The following UGT1A8 variants were observed in gnomAD, a reference collection of about 807,000 sequenced individuals.
UGT1A8 encodes the protein UDP glucuronosyltransferase family 1 member A8.
Under a neutral mutation model 45.3 loss-of-function variants are expected in UGT1A8, and 39 were observed. The observed-to-expected ratio is 0.86, with a 90% CI of 0.67 to 1.12. UGT1A8 has a LOEUF of 1.12. UGT1A8 is among the 50% of genes most tolerant of loss of function. The pLI is 0.00. For synonymous variants in UGT1A8, 275 were observed against 249.2 expected (o/e 1.10, Z -0.97); for missense variants, 719 against 664.9 (o/e 1.08, Z -0.90).
chr2:233,651,068 G>A (rs2073727923), intron 1 of UGT1A8, among the ~76,000 whole-genome samples: 1 of 152,208 alleles, frequency 6.6e-6, no homozygotes, highest in Non-Finnish European at 1.5e-5. Context: ...GAAGACTACA[G>A]TTTTAGACCT....
intron 1 of UGT1A8, among the ~76,000 whole-genome samples, chr2:233,665,986 G>T (rs182102297): frequency 4.7e-4 from 72 of 152,270 alleles, no homozygotes; most frequent in African/African-American, 1.7e-3. Flanking sequence ...AATACCTGAG[G>T]TTGGTTAATT....
intron 1 of UGT1A8, chr2:233,747,346 G>C (rs1006096980): frequency 6.2e-7 from 1 of 1,603,162 alleles, no homozygotes; most frequent in East Asian, 2.2e-5. Context: ...GCTCGCATGC[G>C]GGAGGCCGTG....
chr2:233,657,772 T>G (rs7571337), intron 1 of UGT1A8, among the ~76,000 whole-genome samples: 1 of 151,992 alleles, frequency 6.6e-6, no homozygotes, highest in African/African-American at 2.4e-5. Flanking sequence ...AGCATCTTTA[T>G]GTGTGACTGT....
intron 1 of UGT1A8, among the ~76,000 whole-genome samples, chr2:233,710,168 A>G (rs2076115699): frequency 6.6e-6 from 1 of 152,116 alleles, no homozygotes; most frequent in South Asian, 2.1e-4. Context: ...TTATGCATTT[A>G]TTTATTGATG....
rs772286131 is a variant in UGT1A8 at position 233,713,430 on chromosome 2, G to C, written c.856-53604G>C. 2.5e-6 allele frequency: 4 copies of C among 1,614,138 alleles called. No homozygotes were observed. The South Asian group carries it at 4.4e-5, about 18-fold the overall frequency. ...CAGGCACCTGCATGCTACTTCCTTT[G>C]ATGTGGTTCTAACAGACCCCTTTCA... On this transcript the variant is annotated intron_variant, in intron 1 of 4. Transcript: ENST00000373450.
At chr2:233,633,495 T>C (rs2073227453) in intron 1 of UGT1A8, among the ~76,000 whole-genome samples, 2 of 152,342 alleles carry the variant, frequency 1.3e-5, no homozygotes, top group Middle Eastern at 6.8e-3. Context: ...AAACCTGTTA[T>C]TGGTCTATTC....
At chr2:233,693,176 G>A in intron 1 of UGT1A8, 1 of 1,614,172 alleles carries the variant, frequency 6.2e-7, no homozygotes, top group Non-Finnish European at 8.5e-7. Context: ...TGAGATTGTA[G>A]TGGTGGTGCC....
rs973596867 is a variant in UGT1A8, at chr2:233,620,443, G to A, written c.855+1881G>A. ...CCACACTGAGTTTATTGTGGCCCAA[G>A]GGGTCACCCAGAGGCCTTTAGAGAT... On this transcript the variant is annotated intron_variant, in intron 1 of 4. Transcript: ENST00000373450. Among the ~76,000 whole-genome samples, 4 of 151,794 alleles carry A rather than the reference G, an allele frequency of 2.6e-5. No homozygotes were observed. The East Asian group carries it at 7.7e-4, about 29-fold the overall frequency.
intron 1 of UGT1A8, among the ~76,000 whole-genome samples, chr2:233,652,633 A>T (rs1394228323): frequency 6.6e-6 from 1 of 152,238 alleles, no homozygotes; most frequent in Non-Finnish European, 1.5e-5. Flanking sequence ...CATGCAGATC[A>T]GTAGAACGGA....
chr2:233,768,990 A>C (rs1198274565), intron 4 of UGT1A8, among the ~76,000 whole-genome samples: 1 of 152,146 alleles, frequency 6.6e-6, no homozygotes, highest in Admixed American at 6.5e-5. Context: ...TATTTCCCCC[A>C]TTAGATTTAA....
At chr2:233,708,544 G>A (rs1488651265) in intron 1 of UGT1A8, 1 of 152,200 alleles carries the variant, frequency 6.6e-6, no homozygotes, top group Non-Finnish European at 1.5e-5. Context: ...TTGAGCCCAG[G>A]AGTTTGAGAC....
chr2:233,655,911 CCT>C (rs766323504), intron 1 of UGT1A8, among the ~76,000 whole-genome samples: 2 of 152,200 alleles, frequency 1.3e-5, no homozygotes, highest in Non-Finnish European at 2.9e-5. Context: ...CACTTTTACA[CCT>C]CTGATCACTG....
At chr2:233,710,142 A>G (rs971862599) in intron 1 of UGT1A8, among the ~76,000 whole-genome samples, 1 of 152,224 alleles carries the variant, frequency 6.6e-6, no homozygotes, top group Non-Finnish European at 1.5e-5. Context: ...CATTGTATAG[A>G]TATATCATCA....
chr2:233,719,691 T>C (rs1369950674), intron 1 of UGT1A8: 1 of 1,614,102 alleles, frequency 6.2e-7, no homozygotes, highest in East Asian at 2.2e-5. Flanking sequence ...ATCTCAGGTC[T>C]GTATTGGTGC....
intron 4 of UGT1A8, chr2:233,771,308 TC>T (rs1375108743): frequency 6.6e-6 from 1 of 152,198 alleles, no homozygotes; most frequent in African/African-American, 2.4e-5. Context: ...CTCCTCCTTT[TC>T]CCTCTCCTCT....
intron 1 of UGT1A8, among the ~76,000 whole-genome samples, chr2:233,702,296 T>C (rs540629836): frequency 2.0e-5 from 3 of 152,348 alleles, no homozygotes; most frequent in African/African-American, 7.2e-5. Flanking sequence ...TAAAGAGTTT[T>C]GTATATTGAT....
chr2:233,691,883 G>A, intron 1 of UGT1A8: 1 of 154,858 alleles, frequency 6.5e-6, no homozygotes, highest in South Asian at 2.1e-4. Context: ...GTTTGTCTTT[G>A]TTTCCTGGAC....
chr2:233,650,238 G>A (rs2073706353), intron 1 of UGT1A8, among the ~76,000 whole-genome samples: 3 of 152,164 alleles, frequency 2.0e-5, no homozygotes, highest in Admixed American at 2.0e-4. Context: ...CCAAAGTGCT[G>A]GGATTACAGG....
chr2:233,763,791 A>T (rs995019532), intron 1 of UGT1A8, among the ~76,000 whole-genome samples: 41 of 152,200 alleles, frequency 2.7e-4, no homozygotes, highest in African/African-American at 9.9e-4. Flanking sequence ...TTGGGAGAAA[A>T]GGAATGAAAC....
Sources: gnomAD v4.1 joint callset for allele counts (sites outside exome capture counted in the v4.1 genomes callset) on GRCh38, gnomAD v4.1.1 for gene constraint, MANE v1.5 for transcripts, NCBI Gene and HGNC (gene_info 2026-07-23, HGNC 2026-07-21) for gene names.